The following DDX31 variants were observed in gnomAD, a reference collection of about 807,000 sequenced individuals.
DDX31 encodes the protein DEAD-box helicase 31, also known as ATP-dependent DNA helicase DDX31.
DDX31 carries 70 observed loss-of-function variants against 91.3 expected under a neutral mutation model. That is an observed-to-expected ratio of 0.77 (90% CI 0.63 to 0.94). DDX31 has a LOEUF of 0.94. DDX31 is among the 40% of genes least tolerant of loss of function. The pLI is 0.00. For missense variants in DDX31, 902 were observed against 925.0 expected (o/e 0.98, Z 0.32); for synonymous variants, 362 against 350.6 (o/e 1.03, Z -0.36).
intron 6 of DDX31, chr9:132,658,090 A>C (rs1834683992): frequency 3.7e-6 from 2 of 537,962 alleles, no homozygotes. Flanking sequence ...GGATAGCTGC[A>C]AAACCAAATC....
At chr9:132,657,406 ATAC>A (rs1834635936) in intron 6 of DDX31, among the ~76,000 whole-genome samples, 1 of 152,018 alleles carries the variant, frequency 6.6e-6, no homozygotes, top group African/African-American at 2.4e-5. Flanking sequence ...GCCTGAAACA[ATAC>A]TACTGTGGCA....
At chr9:132,616,096 CAAAT>C (rs757276628) in intron 18 of DDX31, among the ~76,000 whole-genome samples, 5 of 152,128 alleles carry the variant, frequency 3.3e-5, no homozygotes, top group Non-Finnish European at 7.4e-5. Context: ...TTTAGGGTGG[CAAAT>C]ACGTGTATAC....
At chr9:132,669,776 G>C in intron 1 of DDX31, 84 bp downstream of exon 1, 1 of 1,519,726 alleles carries the variant, frequency 6.6e-7, no homozygotes, top group African/African-American at 1.4e-5. Context: ...CTCGAAACCC[G>C]ACTCCAAGGC....
intron 14 of DDX31, among the ~76,000 whole-genome samples, chr9:132,634,851 A>C (rs897386715): frequency 6.6e-6 from 1 of 152,108 alleles, no homozygotes; most frequent in African/African-American, 2.4e-5. Context: ...GATTACAGGC[A>C]AGAGCCACCA....
intron 8 of DDX31, 48 bp downstream of exon 8, chr9:132,651,027 C>T: frequency 6.5e-7 from 1 of 1,533,594 alleles, no homozygotes; most frequent in Non-Finnish European, 9.0e-7. Flanking sequence ...TTAAATCCTT[C>T]CTCAAAGTCA....
In DDX31 at chr9:132,662,681, C is replaced by G. The variant is rs199530487; in HGVS notation, c.90G>C (p.Thr30=). The G allele has an allele frequency of 5.9e-5, 96 of 1,613,954 alleles. No homozygotes were observed. Among genetic ancestry groups the G allele is most frequent in the Non-Finnish European group, 7.8e-5 (92 of 1,180,028 alleles). Residue 30 remains threonine (T), a synonymous_variant, in exon 2 of 20, where the codon ACG becomes ACC. Coordinates refer to ENST00000372159, the MANE Select transcript of DDX31 (RefSeq NM_022779.9). ...PAQASRQAKA[T]KRKYQASSEA... ...CACTGGACGCTTGGTATTTTCTTTT[C>G]GTAGCCTTTGCTTGCTGCGTTGTTC...
chr9:132,628,992 C>T (rs892508392), intron 16 of DDX31, among the ~76,000 whole-genome samples: 1 of 152,242 alleles, frequency 6.6e-6, no homozygotes, highest in Admixed American at 6.5e-5. Flanking sequence ...GCTGCGCCAG[C>T]GGGCTTGCAT....
intron 19 of DDX31, among the ~76,000 whole-genome samples, chr9:132,602,292 C>CAGGACCAGGT (rs1830760725): frequency 6.6e-6 from 1 of 152,228 alleles, no homozygotes; most frequent in African/African-American, 2.4e-5. Flanking sequence ...GTGGGACCCA[C>CAGGACCAGGT]AGGACCAGGT....
chr9:132,632,254 A>ACACACACACACACACAGTCCTG (rs1832809972), intron 14 of DDX31, among the ~76,000 whole-genome samples, 163 bp from the exon 15 acceptor site: 9 of 99,068 alleles, frequency 9.1e-5, no homozygotes, highest in Non-Finnish European at 1.3e-4. Context: ...ACACACACAC[A>ACACACACACACACACAGTCCTG]CACACACACA....
intron 17 of DDX31, among the ~76,000 whole-genome samples, chr9:132,620,961 T>C (rs1831991939): frequency 6.6e-6 from 1 of 152,200 alleles, no homozygotes. Flanking sequence ...GTCTCTAACA[T>C]CCTACTGATC....
At chr9:132,656,763 T>C (rs544676107) in intron 6 of DDX31, among the ~76,000 whole-genome samples, 32 of 152,198 alleles carry the variant, frequency 2.1e-4, no homozygotes, top group Admixed American at 3.9e-4. Context: ...CCAGCTCAAA[T>C]AGTCCAAACT....
At chr9:132,619,703 G>T (rs967433123) in intron 17 of DDX31, among the ~76,000 whole-genome samples, 3 of 152,048 alleles carry the variant, frequency 2.0e-5, no homozygotes, top group Non-Finnish European at 4.4e-5. Flanking sequence ...GGTTCTATCC[G>T]CTAAAATGTC....
At chr9:132,607,897 TGAGA>T (rs1416263475) in intron 19 of DDX31, among the ~76,000 whole-genome samples, 6 of 152,276 alleles carry the variant, frequency 3.9e-5, no homozygotes, top group South Asian at 4.1e-4. Context: ...GGCAGCGAAA[TGAGA>T]GAGAATCGTG....
In DDX31 at chr9:132,662,595, A is replaced by T. The variant is rs142850420; in HGVS notation, c.176T>A (p.Val59Asp). ...CTTAAAAGTCCTCTGAGTTTCTTTA[A>T]CACTAGTTTTCTTGGCTGGGAGAAA... ...TSFLPAKKTS[V>D]KETQRTFKGN... is the part of the protein sequence containing the mutation. Residue 59 changes from valine to aspartate, a missense_variant, in exon 2 of 20, where the codon GTT becomes GAT. Physicochemically the swap from Val to Asp is radical, Grantham distance 152. Transcript: ENST00000372159. 3.5e-4 allele frequency: 561 copies of T among 1,614,206 alleles called. No individual in the cohort carries two copies. The highest frequency in any genetic ancestry group is 1.2e-3 in the Middle Eastern group (7 of 6,062).
chr9:132,604,857 G>C (rs1039902143), intron 19 of DDX31, among the ~76,000 whole-genome samples: 3 of 152,186 alleles, frequency 2.0e-5, no homozygotes, highest in Non-Finnish European at 4.4e-5. Context: ...TTGTCTAGGT[G>C]GGGTGGAGGC....
chr9:132,637,286 A>G (rs1160165652), intron 14 of DDX31, among the ~76,000 whole-genome samples: 1 of 152,080 alleles, frequency 6.6e-6, no homozygotes, highest in Non-Finnish European at 1.5e-5. Context: ...CTGCTCTTAG[A>G]ACTTAGATGT....
Position 132,593,148 on chromosome 9 carries a change from C to T in DDX31, c.*1718G>A, listed in dbSNP as rs1477149882. On this transcript the variant is annotated 3_prime_UTR_variant, in exon 20 of 20. Transcript: ENST00000372159. Reference sequence around the variant, plus strand: ...AGCATCTATGGCAAGAAACCCTCACCATAAGAGTTAGCAGATTAAGTGTGT... The same window carrying T: ...AGCATCTATGGCAAGAAACCCTCACTATAAGAGTTAGCAGATTAAGTGTGT... The T allele has an allele frequency of 6.6e-6, 1 of 152,150 alleles. No homozygotes were observed. Among genetic ancestry groups the T allele is most frequent in the Admixed American group, 6.5e-5 (1 of 15,276 alleles). The allele number at this position is 152,150 out of a possible 1,614,324, so 9.4% of individuals were successfully genotyped here. A position where few individuals can be genotyped will look rare whatever the true frequency, so the allele number is the denominator to read the frequency against.
rs115066583 is a variant in DDX31, at chr9:132,656,134, T to C, written c.588+2537A>G. On this transcript the variant is annotated intron_variant, in intron 6 of 19. Coordinates refer to ENST00000372159, the MANE Select transcript of DDX31 (RefSeq NM_022779.9). ...AATCAGAGCCAAAATAACTGAAGAGTGTGAACACAGAAAAGCAGTCCGTTC... is the reference window on the plus strand; with the variant it reads ...AATCAGAGCCAAAATAACTGAAGAGCGTGAACACAGAAAAGCAGTCCGTTC... 7.1e-3 allele frequency among the ~76,000 whole-genome samples: 1,079 copies of C among 151,932 alleles called. 13 individuals are homozygous for C. The highest frequency in any genetic ancestry group is 0.025 in the African/African-American group (1,028 of 41,410).
chr9:132,668,559 C>T (rs1050589166), intron 1 of DDX31, among the ~76,000 whole-genome samples: 2 of 129,338 alleles, frequency 1.5e-5, no homozygotes, highest in Non-Finnish European at 3.2e-5. Flanking sequence ...CCAAGGTGGT[C>T]GGGGTGCAGC....
Sources: gnomAD v4.1 joint callset for allele counts (sites outside exome capture counted in the v4.1 genomes callset) on GRCh38, gnomAD v4.1.1 for gene constraint, MANE v1.5 for transcripts, NCBI Gene and HGNC (gene_info 2026-07-23, HGNC 2026-07-21) for gene names.